The following FTO variants were observed in gnomAD, a reference collection of about 807,000 sequenced individuals.
FTO encodes FTO alpha-ketoglutarate dependent dioxygenase.
In FTO, 47 loss-of-function variants were observed where a neutral mutation model predicts 63.9. The observed-to-expected ratio is 0.74, with a 90% CI of 0.58 to 0.94. The LOEUF is 0.94. Ranked by LOEUF, FTO falls within the 40% of genes least tolerant of loss-of-function variation. FTO has a pLI of 0.00. For missense variants in FTO, 562 were observed against 618.1 expected, an observed-to-expected ratio of 0.91 and a Z score of 0.96; for synonymous variants, 207 against 224.4, an observed-to-expected ratio of 0.92 and a Z score of 0.69.
At chr16:53,858,789 C>T (rs892419215) in intron 4 of FTO, among the ~76,000 whole-genome samples, 4 of 151,962 alleles carry the variant, frequency 2.6e-5, no homozygotes, top group African/African-American at 4.8e-5. Flanking sequence ...ATCTCCTGAG[C>T]GGCTGGGACT....
At chr16:53,737,985 G>T (rs1054224711) in intron 1 of FTO, among the ~76,000 whole-genome samples, 1 of 148,784 alleles carries the variant, frequency 6.7e-6, no homozygotes, top group Non-Finnish European at 1.5e-5. Context: ...ACAAGGTTTC[G>T]CTCTGTCACC....
At chr16:53,771,651 C>T (rs960754833) in intron 1 of FTO, among the ~76,000 whole-genome samples, 1 of 152,070 alleles carries the variant, frequency 6.6e-6, no homozygotes, top group Non-Finnish European at 1.5e-5. Context: ...TATGTCCACA[C>T]AAAACCTGTA....
chr16:53,857,823 AT>A (rs1165377682), intron 4 of FTO, among the ~76,000 whole-genome samples: 4 of 152,182 alleles, frequency 2.6e-5, no homozygotes, highest in African/African-American at 9.7e-5. Context: ...CTTTGCTCTT[AT>A]AAAGGTATTC....
chr16:54,031,181 G>A (rs568147333), intron 8 of FTO, among the ~76,000 whole-genome samples: 21 of 152,278 alleles, frequency 1.4e-4, no homozygotes, highest in Middle Eastern at 3.4e-3. Flanking sequence ...AATATGATGA[G>A]GTTGTTTTAA....
At chr16:53,878,846 G>C (rs1429394570) in intron 5 of FTO, among the ~76,000 whole-genome samples, 1 of 152,184 alleles carries the variant, frequency 6.6e-6, no homozygotes, top group Non-Finnish European at 1.5e-5. Flanking sequence ...TCCTTGCTGA[G>C]GCCCAGGTAC....
At chr16:53,713,630 C>T (rs961553466) in intron 1 of FTO, among the ~76,000 whole-genome samples, 4 of 152,150 alleles carry the variant, frequency 2.6e-5, no homozygotes, top group Admixed American at 6.6e-5. Flanking sequence ...TGTTTCCAAA[C>T]GTTTGTCCTT....
chr16:54,094,775 T>G lies in FTO; in HGVS notation c.1365-16987T>G, dbSNP rs578122757. ...GCCACCGAAGAGGCGTAAGATATTT[T>G]GCTTCATCAAACGAATACTGTGTGT... is the stretch of plus-strand genomic sequence containing the variant. On this transcript the variant is annotated intron_variant, in intron 8 of 8. Transcript: ENST00000471389. Among the ~76,000 whole-genome samples the G allele has an allele frequency of 5.3e-5, 8 of 152,328 alleles. No homozygotes were observed. In the East Asian group the frequency reaches 1.4e-3, roughly 26 times the overall value.
At chr16:53,865,938 A>T (rs1248589904) in intron 4 of FTO, among the ~76,000 whole-genome samples, 3 of 152,170 alleles carry the variant, frequency 2.0e-5, no homozygotes. Flanking sequence ...TATGATACTG[A>T]AAAGGAATGT....
At chr16:54,012,524 A>C (rs931903154) in intron 8 of FTO, among the ~76,000 whole-genome samples, 1 of 152,222 alleles carries the variant, frequency 6.6e-6, no homozygotes, top group East Asian at 1.9e-4. Context: ...CAGATTTTCA[A>C]TGTAGACAAC....
At chr16:53,858,211 A>C (rs1304871583) in intron 4 of FTO, among the ~76,000 whole-genome samples, 1 of 152,178 alleles carries the variant, frequency 6.6e-6, no homozygotes, top group African/African-American at 2.4e-5. Flanking sequence ...TTTTTTCTTC[A>C]TATTTAACAT....
At chr16:54,011,330 A>G (rs146669120) in intron 8 of FTO, among the ~76,000 whole-genome samples, 244 of 152,338 alleles carry the variant, frequency 1.6e-3, no homozygotes, top group African/African-American at 5.6e-3. Flanking sequence ...TAGCTCTTTC[A>G]CAATATATCA....
intron 8 of FTO, among the ~76,000 whole-genome samples, chr16:54,076,369 A>T (rs1381127015): frequency 6.6e-6 from 1 of 152,166 alleles, no homozygotes; most frequent in East Asian, 1.9e-4. Context: ...TAAAGGAGTC[A>T]CTTTTTCAGA....
chr16:53,815,642 T>G (rs181491041), intron 2 of FTO, among the ~76,000 whole-genome samples: 2 of 29,122 alleles, frequency 6.9e-5, no homozygotes, highest in African/African-American at 1.2e-4. Flanking sequence ...TCTTGTTTTT[T>G]TTTTTTTTTT....
At chr16:54,004,399 A>G (rs1416180847) in intron 8 of FTO, among the ~76,000 whole-genome samples, 2 of 151,922 alleles carry the variant, frequency 1.3e-5, no homozygotes, top group Non-Finnish European at 2.9e-5. Context: ...CAAATAAATA[A>G]ATAAATAAAT....
At chr16:53,806,767 C>A (rs2078382066) in intron 1 of FTO, among the ~76,000 whole-genome samples, 1 of 152,096 alleles carries the variant, frequency 6.6e-6, no homozygotes, top group South Asian at 2.1e-4. Context: ...TAATGAGTAT[C>A]CTCATGCATA....
At chr16:53,798,749 T>G (rs2078145050) in intron 1 of FTO, among the ~76,000 whole-genome samples, 1 of 152,232 alleles carries the variant, frequency 6.6e-6, no homozygotes, top group African/African-American at 2.4e-5. Context: ...TACTTTTCAC[T>G]TCTTTTTCTT....
chr16:54,010,371 C>T lies in FTO; in HGVS notation c.1364+76262C>T, dbSNP rs2084307563. ...CAGTTAGCCAAGATTGCGCCACTAC[C>T]CTCCAGCCTGGGTGACAGAGCAAGA... On this transcript the variant is annotated intron_variant, in intron 8 of 8. Coordinates refer to ENST00000471389, the MANE Select transcript of FTO (RefSeq NM_001080432.3). Among the ~76,000 whole-genome samples, 3 of 152,104 alleles carry T rather than the reference C, an allele frequency of 2.0e-5. No individual in the cohort carries two copies. In the South Asian group the frequency reaches 6.2e-4, roughly 32 times the overall value.
At chr16:53,874,152 G>T (rs1251182268) in intron 5 of FTO, among the ~76,000 whole-genome samples, 1 of 152,154 alleles carries the variant, frequency 6.6e-6, no homozygotes, top group Non-Finnish European at 1.5e-5. Flanking sequence ...TTATTTAGAG[G>T]GTTGTATCTG....
chr16:53,988,192 T>A (rs550722169), intron 8 of FTO, among the ~76,000 whole-genome samples: 51 of 152,364 alleles, frequency 3.3e-4, no homozygotes, highest in African/African-American at 1.2e-3. Context: ...TTCAGTGCAG[T>A]CATTTTTAAT....
Sources: allele counts gnomAD v4.1 joint callset (sites outside exome capture counted in the v4.1 genomes callset), GRCh38; gene constraint gnomAD v4.1.1; transcripts MANE v1.5; gene names NCBI Gene and HGNC (gene_info 2026-07-23, HGNC 2026-07-21).